Variants in AMPH observed in about 807,000 individuals in gnomAD.
AMPH encodes the protein amphiphysin (Stiff-Mann syndrome with breast cancer 128kD autoantigen).
AMPH carries 49 observed loss-of-function variants against 99.1 expected under a neutral mutation model. The ratio of observed to expected loss-of-function variants is 0.49; its 90% confidence interval spans 0.39 to 0.63. The LOEUF is 0.63. AMPH is among the 20% of genes least tolerant of loss of function. The pLI is 0.00. For missense variants in AMPH, 759 were observed against 863.4 expected (o/e 0.88, Z 1.52); for synonymous variants, 314 against 317.3 (o/e 0.99, Z 0.11).
chr7:38,484,808 C>T (rs538499274), intron 5 of AMPH, among the ~76,000 whole-genome samples: 2 of 151,440 alleles, frequency 1.3e-5, no homozygotes, highest in South Asian at 2.1e-4. Context: ...TATGGAAACA[C>T]AATATAAATA....
rs1401530549 is a variant in AMPH at position 38,535,087 on chromosome 7, G to A, written c.70-76C>T. ...AAGATGTGCATTTTCTGTTAATGGA[G>A]CAAGGCTGTTGTTTTGCTCTGAGGA... On this transcript the variant is annotated intron_variant, in intron 1 of 20. Transcript: ENST00000356264. 8.4e-6 allele frequency: 11 copies of A among 1,317,356 alleles called. No individual in the cohort carries two copies. The Admixed American group carries it at 1.9e-4, about 23-fold the overall frequency. The allele number at this position is 1,317,356 out of a possible 1,614,324, so 81.6% of individuals were successfully genotyped here.
chr7:38,535,186 C>CAA (rs892143791), intron 1 of AMPH, among the ~76,000 whole-genome samples, 175 bp from the exon 2 acceptor site: 4 of 139,260 alleles, frequency 2.9e-5, no homozygotes, highest in East Asian at 2.1e-4. Flanking sequence ...TGGAGTTGAA[C>CAA]AAAAAAAAAA....
In AMPH at chr7:38,534,111, T is replaced by C. The variant is rs140673989; in HGVS notation, c.150+820A>G. ...CTGAATTACACCCCCTGTAAAATTT[T>C]AATACCGTAAGTATACTATATGTCT... is the stretch of plus-strand genomic sequence containing the variant. On this transcript the variant is annotated intron_variant, in intron 2 of 20. Transcript: ENST00000356264. Among the ~76,000 whole-genome samples, 295 of 152,320 alleles carry C rather than the reference T, an allele frequency of 1.9e-3. 1 individual carries two copies. Among genetic ancestry groups the C allele is most frequent in the African/African-American group, 6.7e-3 (279 of 41,570 alleles).
At chr7:38,619,173 G>A (rs1174695915) in intron 1 of AMPH, among the ~76,000 whole-genome samples, 7 of 152,094 alleles carry the variant, frequency 4.6e-5, no homozygotes, top group Non-Finnish European at 2.9e-5. Context: ...CTGAGTGACA[G>A]AGCAAGACCC....
intron 11 of AMPH, among the ~76,000 whole-genome samples, chr7:38,454,359 T>C (rs17171359): frequency 0.098 from 14,880 of 152,200 alleles, 982 homozygotes; most frequent in Middle Eastern, 0.2. Context: ...ACTCAGTAAT[T>C]ATAGTACTGC....
At chr7:38,592,460 G>T (rs1310005477) in intron 1 of AMPH, among the ~76,000 whole-genome samples, 3 of 152,202 alleles carry the variant, frequency 2.0e-5, no homozygotes, top group Non-Finnish European at 4.4e-5. Context: ...GGCCCGGCAT[G>T]TTGGCTCAAG....
intron 1 of AMPH, among the ~76,000 whole-genome samples, chr7:38,565,633 A>G (rs1197187267): frequency 7.1e-6 from 1 of 141,390 alleles, no homozygotes; most frequent in Non-Finnish European, 1.5e-5. Flanking sequence ...CTCTGAATAC[A>G]GTCACATTCT....
intron 3 of AMPH, among the ~76,000 whole-genome samples, chr7:38,495,485 A>C (rs1039419097): frequency 2.0e-5 from 3 of 152,066 alleles, no homozygotes; most frequent in African/African-American, 7.2e-5. Context: ...ACAAACCCAC[A>C]CTCACTGACA....
chr7:38,498,535 G>C (rs551052401), intron 3 of AMPH, among the ~76,000 whole-genome samples: 1 of 152,206 alleles, frequency 6.6e-6, no homozygotes. Context: ...AAATAAACCT[G>C]CCACAAGGTT....
At chr7:38,521,443 C>T (rs1789957050) in intron 2 of AMPH, among the ~76,000 whole-genome samples, 1 of 152,162 alleles carries the variant, frequency 6.6e-6, no homozygotes, top group Non-Finnish European at 1.5e-5. Context: ...ATCGCTTGAA[C>T]CCGGCGGGCA....
In AMPH at chr7:38,494,521, T is replaced by C. The variant is rs1462816483; in HGVS notation, c.212A>G (p.Gln71Arg). ...RGYLAAIKGMQEASMKLTESL... is the reference protein window; with the variant it reads ...RGYLAAIKGMREASMKLTESL... ...CTCTGTGAGCTTCATGGAGGCCTCC[T>C]GCATGCCTAGTGTTGGAGAGAAACA... The change falls in exon 4 of 21, where the codon CAG becomes CGG. Residue 71 changes from glutamine (Q) to arginine (R), a missense_variant. Transcript: ENST00000356264. The C allele has an allele frequency of 6.2e-7, 1 of 1,613,514 alleles. No individual in the cohort carries two copies. The highest frequency in any genetic ancestry group is 1.3e-5 in the African/African-American group (1 of 74,908).
chr7:38,428,507 T>C (rs1785870121), intron 14 of AMPH: 1 of 456,650 alleles, frequency 2.2e-6, no homozygotes, highest in Non-Finnish European at 4.4e-6. Flanking sequence ...CAAGAGCATT[T>C]AACACAGTCT....
intron 1 of AMPH, among the ~76,000 whole-genome samples, chr7:38,591,503 TCTTGAACTCCTGAC>T (rs1298777273): frequency 6.6e-6 from 1 of 152,156 alleles, no homozygotes; most frequent in Non-Finnish European, 1.5e-5. Context: ...GCCAGGCTGG[TCTTGAACTCCTGAC>T]CTCAGGTGAT....
chr7:38,392,127 A>G, intron 18 of AMPH, 110 bp from the exon 19 acceptor site: 3 of 1,118,172 alleles, frequency 2.7e-6, no homozygotes, highest in Non-Finnish European at 3.8e-6. Flanking sequence ...TGCCACTTCC[A>G]TACTTCCCCA....
At chr7:38,546,170 G>A (rs1790989792) in intron 1 of AMPH, among the ~76,000 whole-genome samples, 1 of 152,200 alleles carries the variant, frequency 6.6e-6, no homozygotes, top group Non-Finnish European at 1.5e-5. Flanking sequence ...GAGAGATGCT[G>A]CCCCTTCTGG....
intron 17 of AMPH, among the ~76,000 whole-genome samples, chr7:38,403,446 G>A (rs934240979): frequency 2.6e-5 from 4 of 152,210 alleles, no homozygotes; most frequent in Admixed American, 6.5e-5. Context: ...AGGTGCACTC[G>A]GACTCCCCGC....
intron 1 of AMPH, among the ~76,000 whole-genome samples, chr7:38,537,910 T>A (rs1790675089): frequency 6.6e-6 from 1 of 152,046 alleles, no homozygotes; most frequent in African/African-American, 2.4e-5. Flanking sequence ...TATGATTTGG[T>A]ATATTAGCAG....
chr7:38,592,233 AGCGTGGGCGTCATG>A, intron 1 of AMPH, among the ~76,000 whole-genome samples: 1 of 152,314 alleles, frequency 6.6e-6, no homozygotes, highest in South Asian at 2.1e-4. Flanking sequence ...CACAACCTTC[AGCGTGGGCGTCATG>A]GCCATCATGA....
At chr7:38,387,205 G>A (rs939511866) in intron 20 of AMPH, among the ~76,000 whole-genome samples, 30 of 152,112 alleles carry the variant, frequency 2.0e-4, no homozygotes, top group Admixed American at 2.0e-4. Flanking sequence ...ACCACGTATG[G>A]TCTACCTACT....
Sources: allele counts gnomAD v4.1 joint callset (sites outside exome capture counted in the v4.1 genomes callset), GRCh38; gene constraint gnomAD v4.1.1; transcripts MANE v1.5; gene names NCBI Gene and HGNC (gene_info 2026-07-23, HGNC 2026-07-21).